The following AHDC1 variants were observed in gnomAD, a reference collection of about 807,000 sequenced individuals.
The protein encoded by AHDC1 is transcription factor Gibbin.
A neutral mutation model predicts 87.9 loss-of-function variants in AHDC1; 7 were observed. The observed-to-expected ratio is 0.08, with a 90% confidence interval of 0.05 to 0.15. The LOEUF is 0.15. Among genes scored for constraint, AHDC1 ranks in the 10% least tolerant of loss-of-function variants. The probability of loss-of-function intolerance (pLI) is 1.00; values close to 1 mark genes in which losing one functional copy is unlikely to be tolerated. For missense variants in AHDC1, 1,841 were observed against 2,253.2 expected, an observed-to-expected ratio of 0.82 and a Z score of 3.70; for synonymous variants, 1,051 against 1,006.8, an observed-to-expected ratio of 1.04 and a Z score of -0.83.
intron 5 of AHDC1, among the ~76,000 whole-genome samples, chr1:27,554,271 T>A (rs2019724369): frequency 6.6e-6 from 1 of 152,214 alleles, no homozygotes; most frequent in Admixed American, 6.5e-5. Flanking sequence ...TGCTGCTCCA[T>A]CCTACCTCTG....
rs1194803370 is a variant in AHDC1, at chr1:27,561,542, T to TA, written c.-628-2660dup. Among the ~76,000 whole-genome samples the TA allele has an allele frequency of 1.3e-5, 2 of 152,012 alleles. No homozygotes were observed. The highest frequency in any genetic ancestry group is 4.8e-5 in the African/African-American group (2 of 41,376). On this transcript the variant is annotated intron_variant, in intron 3 of 8. Transcript: ENST00000673934. The surrounding 1 kb of genome is among the most constrained non-coding windows in gnomAD (Gnocchi z 4.2). Reference sequence around the variant, plus strand: ...AGGGGTGCAGGGGCTGGGCTGGGACTAAGGCTCCCTTCACGGTGCTCCAGG... The same window carrying TA: ...AGGGGTGCAGGGGCTGGGCTGGGACTAAAGGCTCCCTTCACGGTGCTCCAGG...
chr1:27,566,576 C>T (rs1465513972), intron 3 of AHDC1, among the ~76,000 whole-genome samples: 1 of 144,850 alleles, frequency 6.9e-6, no homozygotes, highest in Non-Finnish European at 1.5e-5. Flanking sequence ...CAGCGACAGT[C>T]GGAGGGTGAG....
chr1:27,571,610 A>ACG (rs1553162979), intron 3 of AHDC1, among the ~76,000 whole-genome samples: 3 of 151,084 alleles, frequency 2.0e-5, no homozygotes, highest in African/African-American at 7.3e-5. Context: ...CCAGCCAAGG[A>ACG]GGGGGGGGTG....
In AHDC1 at chr1:27,547,304, C is replaced by A; in HGVS notation, c.4812G>T (p.Ter1604TyrextTer81). The A allele has an allele frequency of 6.5e-7, 1 of 1,535,806 alleles. No homozygotes were observed. Residue 1604 changes from the stop codon to tyrosine (Y), a stop_lost, in exon 8 of 9, where the codon TAG (stop) becomes TAT (tyrosine). Coordinates refer to ENST00000673934, the MANE Select transcript of AHDC1 (RefSeq NM_001371928.1). The surrounding 1 kb of genome is among the most constrained non-coding windows in gnomAD (Gnocchi z 4.9). ...PEDTFTVTSL[*>Y] ...GGTCCAGTCGGCACTTCAGTTGGCA[C>A]TACAGGGATGTGACGGTGAATGTGT...
Position 27,550,637 on chromosome 1 carries a change from G to A in AHDC1, c.1479C>T (p.Tyr493=), listed in dbSNP as rs2019487862. 2 of 1,613,694 alleles carry A rather than the reference G, an allele frequency of 1.2e-6. No homozygotes were observed. The highest frequency in any genetic ancestry group is 1.3e-5 in the African/African-American group (1 of 75,076). The change falls in exon 8 of 9, where the codon TAC becomes TAT. Residue 493 remains tyrosine, a synonymous_variant. Coordinates refer to ENST00000673934, the MANE Select transcript of AHDC1 (RefSeq NM_001371928.1). The part of the protein sequence containing the change: ...VSLGRRNKTT[Y]KVSSLSSSLS... Reference sequence around the variant, plus strand: ...GGCTGCTGCTCAAGGAAGACACTTTGTATGTGGTCTTGTTCCGCCGCCCCA... The same window carrying A: ...GGCTGCTGCTCAAGGAAGACACTTTATATGTGGTCTTGTTCCGCCGCCCCA...
rs1257119618 is a variant in AHDC1, at chr1:27,552,101, G to A, written c.15C>T (p.Pro5=). 2 of 1,468,422 alleles carry A rather than the reference G, an allele frequency of 1.4e-6. No individual in the cohort carries two copies. Among genetic ancestry groups the A allele is most frequent in the Admixed American group, 5.3e-5 (2 of 37,956 alleles). The allele number at this position is 1,468,422 out of a possible 1,614,324, so 91.0% of individuals were successfully genotyped here. ...CACTGGAAGTCACCACCAGGCCCTG[G>A]GGCTTCACACGCATCCTGACCTTGT... MRVK[P]QGLVVTSSAV... Residue 5 remains proline, a synonymous_variant, in exon 8 of 9, where the codon CCC becomes CCT. Coordinates refer to ENST00000673934, the MANE Select transcript of AHDC1 (RefSeq NM_001371928.1).
intron 8 of AHDC1, among the ~76,000 whole-genome samples, chr1:27,541,850 G>A (rs1339010354): frequency 2.0e-5 from 3 of 152,146 alleles, no homozygotes; most frequent in African/African-American, 4.8e-5. Context: ...GGCTGGTCTC[G>A]AACTCCCAAC....
chr1:27,566,329 C>T (rs934531147), intron 3 of AHDC1, among the ~76,000 whole-genome samples: 8 of 149,484 alleles, frequency 5.4e-5, no homozygotes, highest in Non-Finnish European at 8.9e-5. Flanking sequence ...AGAGAGAGGG[C>T]GACCATGCCA....
chr1:27,595,830 T>C lies in AHDC1; in HGVS notation c.-629+7567A>G, dbSNP rs1263387524. Among the ~76,000 whole-genome samples the C allele has an allele frequency of 1.3e-5, 2 of 151,360 alleles. No homozygotes were observed. Among genetic ancestry groups the C allele is most frequent in the Admixed American group, 6.6e-5 (1 of 15,236 alleles). ...GTGTTGCAGGTTGTGGGTAAGCATG[T>C]GGTGGTTGTGTGTTTGGGGGTATGT... On this transcript the variant is annotated intron_variant, in intron 3 of 8. Coordinates refer to ENST00000673934, the MANE Select transcript of AHDC1 (RefSeq NM_001371928.1). This position sits in a 1 kb window ranked among gnomAD's most constrained non-coding sequence, Gnocchi z 4.0.
intron 3 of AHDC1, chr1:27,568,120 G>A (rs866453838): frequency 6.6e-6 from 1 of 152,232 alleles, no homozygotes; most frequent in Non-Finnish European, 1.5e-5. Flanking sequence ...AACCCTGTGG[G>A]TGAGAAGGGC....
rs2089599450 is a variant in AHDC1 at position 27,603,502 on chromosome 1, G to C, written c.-726-8C>G. 1 of 152,616 alleles carries C rather than the reference G, an allele frequency of 6.6e-6. No homozygotes were observed. Among genetic ancestry groups the C allele is most frequent in the African/African-American group, 2.4e-5 (1 of 41,468 alleles). The allele number at this position is 152,616 out of a possible 1,614,324, so 9.5% of individuals were successfully genotyped here. A position where few individuals can be genotyped will look rare whatever the true frequency, so the allele number is the denominator to read the frequency against. On this transcript the variant is annotated splice_polypyrimidine_tract_variant and splice_region_variant and intron_variant, in intron 2 of 8. Transcript: ENST00000673934. The stretch of plus-strand genomic sequence containing the variant: ...GACGCGGGCGCCCGGCTGCTGAGGA[G>C]AGGAGTCGTGGAGGAGCCCTGAGCC...
At position 27,551,497 on chromosome 1, in the gene AHDC1, T is replaced by G; in HGVS notation, c.619A>C (p.Ser207Arg). 1.2e-6 allele frequency: 2 copies of G among 1,606,884 alleles called. 1 individual carries two copies. Among genetic ancestry groups the G allele is most frequent in the South Asian group, 2.2e-5 (2 of 90,692 alleles). ...LYEPEPEPRD[S>R]PQPGQGHSPG... The stretch of plus-strand genomic sequence containing the variant: ...CTATGGCCTTGGCCAGGCTGGGGAC[T>G]GTCCCTAGGCTCAGGCTCAGGCTCG... Residue 207 changes from serine to arginine, a missense_variant, in exon 8 of 9, where the codon AGT (serine) becomes CGT (arginine). Coordinates refer to ENST00000673934, the MANE Select transcript of AHDC1 (RefSeq NM_001371928.1).
chr1:27,599,760 C>T (rs1270409024), intron 3 of AHDC1, among the ~76,000 whole-genome samples: 3 of 152,266 alleles, frequency 2.0e-5, no homozygotes, highest in Non-Finnish European at 4.4e-5. Context: ...CCACGCCCCC[C>T]CGGGTCCCAA....
chr1:27,588,550 T>C (rs2089128528), intron 3 of AHDC1, among the ~76,000 whole-genome samples: 1 of 152,022 alleles, frequency 6.6e-6, no homozygotes, highest in Non-Finnish European at 1.5e-5. Flanking sequence ...AAGGACATGG[T>C]GAAGAGCAGT....
At position 27,561,981 on chromosome 1, in the gene AHDC1, A is replaced by T. The variant is rs2020106722; in HGVS notation, c.-628-3098T>A. Among the ~76,000 whole-genome samples the T allele has an allele frequency of 6.6e-6, 1 of 152,038 alleles. No homozygotes were observed. Among genetic ancestry groups the T allele is most frequent in the African/African-American group, 2.4e-5 (1 of 41,374 alleles). On this transcript the variant is annotated intron_variant, in intron 3 of 8. Transcript: ENST00000673934. The surrounding 1 kb of genome is among the most constrained non-coding windows in gnomAD (Gnocchi z 4.2). ...GCCCAGAGTGAGTCTGAGGCCAGTA[A>T]GGACCAAGGAAGAGCCCCAGAGGGG...
At chr1:27,540,447 C>T (rs2018853449) in intron 8 of AHDC1, among the ~76,000 whole-genome samples, 1 of 150,876 alleles carries the variant, frequency 6.6e-6, no homozygotes, top group African/African-American at 2.4e-5. Flanking sequence ...TGATGAGACA[C>T]TGGGTGGGGG....
Position 27,547,860 on chromosome 1 carries a change from A to G in AHDC1, c.4256T>C (p.Leu1419Pro), listed in dbSNP as rs766726003. The G allele has an allele frequency of 1.3e-6, 2 of 1,548,250 alleles. No homozygotes were observed. The highest frequency in any genetic ancestry group is 1.2e-5 in the South Asian group (1 of 81,578). Residue 1419 changes from leucine to proline, a missense_variant, in exon 8 of 9, where the codon CTG becomes CCG. By Grantham distance (98) the Leu-to-Pro change is moderately conservative (BLOSUM62 -3). Around this residue, in one of 13 missense-constraint regions of AHDC1, gnomAD observed 505 missense variants for 626.2 expected, o/e 0.81. Transcript: ENST00000673934. This position sits in a 1 kb window ranked among gnomAD's most constrained non-coding sequence, Gnocchi z 4.9. ...ATGCTTGAGGGGCTCGCAGGCAGCC[A>G]GCTTTGTGGGCGGTGGCCGCAGCTC... ...KEELRPPPTK[L>P]AACEPLKHGL...
At position 27,598,229 on chromosome 1, in the gene AHDC1, TC is replaced by T. The variant is rs1344969860; in HGVS notation, c.-629+5167del. ...TGCAGAAGCAGCCCCTCCCCTGGGC[TC>T]CCAGGCCAAGGACCCCAGAGCAGAA... On this transcript the variant is annotated intron_variant, in intron 3 of 8. Coordinates refer to ENST00000673934, the MANE Select transcript of AHDC1 (RefSeq NM_001371928.1). The surrounding 1 kb of genome is among the most constrained non-coding windows in gnomAD (Gnocchi z 4.2). 2.6e-5 allele frequency among the ~76,000 whole-genome samples: 4 copies of T among 152,112 alleles called. No individual in the cohort carries two copies. The highest frequency in any genetic ancestry group is 6.5e-5 in the Admixed American group (1 of 15,296).
At chr1:27,540,575 C>T (rs2018858880) in intron 8 of AHDC1, among the ~76,000 whole-genome samples, 1 of 151,900 alleles carries the variant, frequency 6.6e-6, no homozygotes, top group Admixed American at 6.6e-5. Context: ...TTAATTGGAC[C>T]TGAGAAGGAC....
Sources: gnomAD v4.1 joint callset for allele counts (sites outside exome capture counted in the v4.1 genomes callset) on GRCh38, gnomAD v4.1.1 for gene constraint, gnomAD v4.1.1 regional missense constraint, Gnocchi (gnomAD v3.1) non-coding constraint, MANE v1.5 for transcripts, NCBI Gene and HGNC (gene_info 2026-07-23, HGNC 2026-07-21) for gene names.